The following MUC6 variants were observed in gnomAD, a reference collection of about 807,000 sequenced individuals.
MUC6 encodes mucin 6, oligomeric mucus/gel-forming (gene/pseudogene).
MUC6 carries 188 observed loss-of-function variants against 201.5 expected under a neutral mutation model. The observed-to-expected ratio is 0.93, with a 90% CI of 0.83 to 1.05. MUC6 has a LOEUF of 1.05. Among genes scored for constraint, MUC6 ranks in the 50% least tolerant of loss-of-function variants. The pLI, the probability that MUC6 is intolerant of heterozygous loss-of-function variation, is 0.00. For missense variants in MUC6, 2,706 were observed against 3,256.9 expected (o/e 0.83, Z 4.12); for synonymous variants, 1,228 against 1,389.4 (o/e 0.88, Z 2.58).
rs755530699 is a variant in MUC6, at chr11:1,016,090, T to G, written c.6711A>C (p.Pro2237=). Residue 2237 remains proline (P), a synonymous_variant, in exon 31 of 33, where the codon CCA becomes CCC. Transcript: ENST00000421673. ...TGGTGCTGGAGGCTAGGTGGCTGGATGGGGTGGGAGACACGGTAACAGTGG... is the reference window on the plus strand; with the variant it reads ...TGGTGCTGGAGGCTAGGTGGCTGGAGGGGGTGGGAGACACGGTAACAGTGG... The part of the protein sequence containing the change: ...PISTVTVSPT[P]SSHLASSTIA... 3 of 1,611,604 alleles carry G rather than the reference T, an allele frequency of 1.9e-6. No individual in the cohort carries two copies. The East Asian group carries it at 6.7e-5, about 36-fold the overall frequency.
In MUC6 at chr11:1,020,250, C is replaced by T. The variant is rs767885915; in HGVS notation, c.3648G>A (p.Arg1216=). The part of the protein sequence containing the change: ...TTPQLPTTGS[R]PTQVWPMTGT... Reference sequence around the variant, plus strand: ...CCGTCATGGGCCAGACTTGCGTGGGCCGTGAGCCTGGGTGGGCGGACATGC... The same window carrying T: ...CCGTCATGGGCCAGACTTGCGTGGGTCGTGAGCCTGGGTGGGCGGACATGC... Residue 1216 remains arginine, a synonymous_variant, in exon 29 of 33, where the codon CGG becomes CGA. Transcript: ENST00000421673. 1.9e-6 allele frequency: 3 copies of T among 1,603,838 alleles called. No homozygotes were observed. The highest frequency in any genetic ancestry group is 1.7e-6 in the Non-Finnish European group (2 of 1,175,870).
chr11:1,029,579 CA>C lies in MUC6; in HGVS notation c.1051del (p.Cys351AlafsTer23). The C allele has an allele frequency of 6.2e-7, 1 of 1,608,592 alleles. No individual in the cohort carries two copies. The highest frequency in any genetic ancestry group is 8.5e-7 in the Non-Finnish European group (1 of 1,177,500). On this transcript the variant is annotated frameshift_variant, in exon 9 of 33. Transcript: ENST00000421673. LOFTEE classifies it high-confidence loss of function. ...ACAGGGGCACTGGGTGACGGGCACG[CA>C]GGTGTGGTTATTGGAGAGGTCATTC... ...VLNDLSNNHT[C>X]VPVTQCPCVL...
At chr11:1,032,986 C>T (rs373473575) in intron 2 of MUC6, 27 bp downstream of exon 2, 2 of 1,563,764 alleles carry the variant, frequency 1.3e-6, no homozygotes, top group Non-Finnish European at 1.7e-6. Context: ...GTCTGGGCGG[C>T]AGGATCAGTG....
At chr11:1,035,064 G>A (rs998352650) in intron 1 of MUC6, among the ~76,000 whole-genome samples, 3 of 152,208 alleles carry the variant, frequency 2.0e-5, no homozygotes, top group Middle Eastern at 3.2e-3. Flanking sequence ...CGGCAGGTGC[G>A]CACTGTTCCT....
chr11:1,033,772 C>T lies in MUC6; in HGVS notation c.53-697G>A, dbSNP rs1363507007. ...GTACCCAGAGGGAGACTTTTCCCAC[C>T]TCTGGGTAACTCCCCGGACCCTGCC... is the stretch of plus-strand genomic sequence containing the variant. On this transcript the variant is annotated intron_variant, in intron 1 of 32. Transcript: ENST00000421673. The surrounding 1 kb of genome is among the most constrained non-coding windows in gnomAD (Gnocchi z 5.6). Among the ~76,000 whole-genome samples the T allele has an allele frequency of 1.3e-5, 2 of 152,086 alleles. No homozygotes were observed. The highest frequency in any genetic ancestry group is 4.8e-5 in the African/African-American group (2 of 41,420).
intron 1 of MUC6, among the ~76,000 whole-genome samples, chr11:1,035,701 G>C (rs913083036): frequency 2.0e-5 from 3 of 152,118 alleles, no homozygotes; most frequent in African/African-American, 7.2e-5. Context: ...GGGTCCCACT[G>C]TGCTCTGAGC....
Position 1,016,615 on chromosome 11 carries a change from T to C in MUC6, c.6186A>G (p.Pro2062=). The change falls in exon 31 of 33, where the codon CCA becomes CCG. Residue 2062 remains proline, a synonymous_variant. Transcript: ENST00000421673. ...TCCCACTGGTGGTCACTGTCATTGG[T>C]GGGGCTGTGTGGGTGGACCCTGTGG... ...LKATGSTHTA[P]PMTVTTSGTS... The C allele has an allele frequency of 1.2e-6, 2 of 1,613,910 alleles. No homozygotes were observed. The highest frequency in any genetic ancestry group is 1.7e-6 in the Non-Finnish European group (2 of 1,179,736).
In MUC6 at chr11:1,021,225, G is replaced by T; in HGVS notation, c.3579C>A (p.Cys1193Ter). The change falls in exon 27 of 33, where the codon TGC becomes TGA. Residue 1193 changes from cysteine to a stop codon, truncating the protein, a stop_gained. Transcript: ENST00000421673. LOFTEE classifies it high-confidence loss of function. ...GCCGACTGGACTTACTGCAGGGCAC[G>T]CACACCCCCTCCTCGTGGTCGAAGT... ...DEYFDHEEGV[C>*]VPCMPPTTPQ... is the part of the protein sequence containing the mutation. The T allele has an allele frequency of 6.3e-7, 1 of 1,588,918 alleles. No homozygotes were observed. The highest frequency in any genetic ancestry group is 8.6e-7 in the Non-Finnish European group (1 of 1,169,196).
intron 2 of MUC6, 131 bp from the exon 3 acceptor site, chr11:1,032,184 C>T: frequency 3.2e-6 from 4 of 1,252,392 alleles, no homozygotes; most frequent in Non-Finnish European, 4.4e-6. Flanking sequence ...GTGGAAACCC[C>T]AGACATCCGA....
At chr11:1,014,988 C>T (rs563860106) in intron 31 of MUC6, among the ~76,000 whole-genome samples, 31 of 152,390 alleles carry the variant, frequency 2.0e-4, no homozygotes, top group Admixed American at 1.1e-3. Flanking sequence ...CTGCCACCCA[C>T]GTGAGAGACC....
At chr11:1,022,409 T>G (rs901165239) in intron 26 of MUC6, among the ~76,000 whole-genome samples, 1 of 152,198 alleles carries the variant, frequency 6.6e-6, no homozygotes, top group African/African-American at 2.4e-5. Context: ...CCTGGCTTTC[T>G]TAAGGGTTCT....
In MUC6 at chr11:1,029,102, A is replaced by G; in HGVS notation, c.1324T>C (p.Ser442Pro). ...DGALMAVYDKSGVSHSETSLV... is the reference protein window; with the variant it reads ...DGALMAVYDKPGVSHSETSLV... The stretch of plus-strand genomic sequence containing the variant: ...GAGGTCTCGGAGTGTGAGACGCCGG[A>G]CTTGTCGTACACAGCCATGAGGGCA... The change falls in exon 11 of 33, where the codon TCC becomes CCC. Residue 442 changes from serine (S) to proline (P), a missense_variant. Physicochemically the swap from Ser to Pro is moderately conservative, Grantham distance 74. Transcript: ENST00000421673. 6.2e-7 allele frequency: 1 copy of G among 1,612,640 alleles called. No homozygotes were observed. The highest frequency in any genetic ancestry group is 8.5e-7 in the Non-Finnish European group (1 of 1,179,792).
chr11:1,021,148 A>G, intron 27 of MUC6, 67 bp downstream of exon 27: 1 of 1,412,230 alleles, frequency 7.1e-7, no homozygotes, highest in Non-Finnish European at 9.5e-7. Context: ...TGTTTGTGGG[A>G]TGTGGACGTG....
Position 1,021,232 on chromosome 11 carries a change from C to T in MUC6, c.3572G>A (p.Gly1191Glu), listed in dbSNP as rs1347602002. The T allele has an allele frequency of 7.5e-6, 12 of 1,591,406 alleles. No individual in the cohort carries two copies. The highest frequency in any genetic ancestry group is 3.5e-5 in the Admixed American group (2 of 56,586). The change falls in exon 27 of 33, where the codon GGG (glycine) becomes GAG (glutamate). Residue 1191 changes from glycine to glutamate, a missense_variant. Coordinates refer to ENST00000421673, the MANE Select transcript of MUC6 (RefSeq NM_005961.3). ...SQDEYFDHEE[G>E]VCVPCMPPTT... ...GGACTTACTGCAGGGCACGCACACC[C>T]CCTCCTCGTGGTCGAAGTACTCATC... is the stretch of plus-strand genomic sequence containing the variant.
intron 2 of MUC6, 102 bp downstream of exon 2, chr11:1,032,911 G>GAT (rs1363191178): frequency 3.1e-6 from 3 of 979,034 alleles, no homozygotes; most frequent in African/African-American, 3.3e-5. Context: ...ATGTGTGTTG[G>GAT]ATGTGTGTGT....
At chr11:1,035,338 A>G (rs1306420866) in intron 1 of MUC6, among the ~76,000 whole-genome samples, 1 of 152,166 alleles carries the variant, frequency 6.6e-6, no homozygotes, top group Non-Finnish European at 1.5e-5. Context: ...CCGAGGGACT[A>G]GGGGTCGCAC....
At position 1,013,109 on chromosome 11, in the gene MUC6, G is replaced by A; in HGVS notation, c.*347C>T. The A allele has an allele frequency of 3.1e-6, 1 of 323,134 alleles. No homozygotes were observed. The allele number at this position is 323,134 out of a possible 1,614,324, so 20.0% of individuals were successfully genotyped here. On this transcript the variant is annotated 3_prime_UTR_variant, in exon 33 of 33. Coordinates refer to ENST00000421673, the MANE Select transcript of MUC6 (RefSeq NM_005961.3). The stretch of plus-strand genomic sequence containing the variant: ...GAGCGCCTGCTCTGTGGCTTCATCT[G>A]CAGGGTTCTGGGCCCAGCAGGGCTG...
chr11:1,028,269 AGCGGCCG>A lies in MUC6; in HGVS notation c.1703_1709del (p.Pro568LeufsTer11), dbSNP rs1857014072. ...AGCAGGGGTCAGTCTCACGCTCCAG[AGCGGCCG>A]GACAGTTCCCCGCCCGCCAGGAGTC... On this transcript the variant is annotated frameshift_variant, in exon 14 of 33. Coordinates refer to ENST00000421673, the MANE Select transcript of MUC6 (RefSeq NM_005961.3). LOFTEE classifies it high-confidence loss of function. 1.9e-6 allele frequency: 3 copies of A among 1,599,288 alleles called. No homozygotes were observed. The highest frequency in any genetic ancestry group is 2.6e-6 in the Non-Finnish European group (3 of 1,173,956).
chr11:1,015,721 AGAGG>A, intron 31 of MUC6, 37 bp downstream of exon 31: 1 of 1,513,756 alleles, frequency 6.6e-7, no homozygotes, highest in Non-Finnish European at 8.8e-7. Context: ...TCATGAGCAC[AGAGG>A]TGAGGCCAGG....
Sources: gnomAD v4.1 joint callset for allele counts (sites outside exome capture counted in the v4.1 genomes callset) on GRCh38, gnomAD v4.1.1 for gene constraint, Gnocchi (gnomAD v3.1) non-coding constraint, MANE v1.5 for transcripts, NCBI Gene and HGNC (gene_info 2026-07-23, HGNC 2026-07-21) for gene names.